KLF12: variants seen among roughly 807,000 people sequenced by gnomAD.
KLF12 encodes the protein Krueppel-like factor 12.
In KLF12, 9 loss-of-function variants were observed where a neutral mutation model predicts 37.8. That is an observed-to-expected ratio of 0.24 (90% confidence interval 0.14 to 0.42). The LOEUF is 0.42. Among genes scored for constraint, KLF12 ranks in the 10% least tolerant of loss-of-function variants. KLF12 has a pLI of 1.00. For synonymous variants in KLF12, 208 were observed against 202.1 expected (o/e 1.03, Z -0.25); for missense variants, 411 against 516.0 (o/e 0.80, Z 1.97).
intron 5 of KLF12, among the ~76,000 whole-genome samples, chr13:73,785,077 G>A (rs1249211644): frequency 2.0e-5 from 3 of 150,424 alleles, no homozygotes; most frequent in African/African-American, 7.3e-5. Context: ...TTCCTCCCTT[G>A]GTTATCTTTA....
intron 3 of KLF12, among the ~76,000 whole-genome samples, chr13:73,884,817 C>T (rs561966051): frequency 1.3e-5 from 2 of 152,290 alleles, no homozygotes; most frequent in South Asian, 4.1e-4. Flanking sequence ...ATTATATGGT[C>T]GAGGCCATCT....
chr13:73,718,330 T>A (rs1875969782), intron 6 of KLF12, among the ~76,000 whole-genome samples: 1 of 152,166 alleles, frequency 6.6e-6, no homozygotes, highest in Non-Finnish European at 1.5e-5. Context: ...CACTTAAATA[T>A]AGGGCAGGCA....
At chr13:74,104,819 T>C (rs752032515) in intron 1 of KLF12, among the ~76,000 whole-genome samples, 5 of 152,232 alleles carry the variant, frequency 3.3e-5, no homozygotes, top group Middle Eastern at 3.4e-3. Context: ...GACCAGGAGA[T>C]AAAATATGGA....
At chr13:73,748,145 C>T (rs1032478789) in intron 6 of KLF12, among the ~76,000 whole-genome samples, 2 of 152,206 alleles carry the variant, frequency 1.3e-5, no homozygotes, top group African/African-American at 4.8e-5. Flanking sequence ...TAACCAGGCA[C>T]ACCTGGGAGC....
chr13:73,812,702 T>C (rs1000577255), intron 5 of KLF12, among the ~76,000 whole-genome samples: 8 of 152,094 alleles, frequency 5.3e-5, no homozygotes, highest in Non-Finnish European at 1.0e-4. Context: ...AAATAACATA[T>C]GAGTACTACT....
intron 1 of KLF12, among the ~76,000 whole-genome samples, chr13:74,055,538 T>C (rs1873198230): frequency 6.6e-6 from 1 of 152,210 alleles, no homozygotes; most frequent in African/African-American, 2.4e-5. Flanking sequence ...CATCACCATC[T>C]ATGCAAGAAT....
the KLF12 span, among the ~76,000 whole-genome samples, chr13:74,212,123 G>C: frequency 2.1e-3 from 315 of 152,234 alleles, no homozygotes; most frequent in Middle Eastern, 0.01. Context: ...TAGTGTTTTA[G>C]TTATCTTGCC....
At chr13:73,839,142 G>C (rs900323832) in intron 4 of KLF12, among the ~76,000 whole-genome samples, 2 of 151,190 alleles carry the variant, frequency 1.3e-5, no homozygotes, top group Non-Finnish European at 2.9e-5. Context: ...ACCCAGGCTG[G>C]AGTGCAGTGG....
At chr13:74,276,650 A>G in the KLF12 span, among the ~76,000 whole-genome samples, 6 of 152,184 alleles carry the variant, frequency 3.9e-5, no homozygotes, top group African/African-American at 1.4e-4. Flanking sequence ...TCTTCCTAAT[A>G]AGCCTTCCTA....
chr13:73,820,965 T>G (rs990221479), intron 4 of KLF12, among the ~76,000 whole-genome samples: 2 of 152,244 alleles, frequency 1.3e-5, no homozygotes, highest in Non-Finnish European at 2.9e-5. Context: ...TAAAGTTTTA[T>G]TCAGCCATGG....
the KLF12 span, among the ~76,000 whole-genome samples, chr13:74,278,697 C>T: frequency 2.6e-5 from 4 of 152,176 alleles, no homozygotes; most frequent in Admixed American, 6.6e-5. Context: ...CTTTTCTCAC[C>T]TTTTCCTAAC....
At chr13:74,083,287 CG>C (rs1390353547) in intron 1 of KLF12, among the ~76,000 whole-genome samples, 1 of 152,128 alleles carries the variant, frequency 6.6e-6, no homozygotes, top group Non-Finnish European at 1.5e-5. Context: ...CCAAGGCAGG[CG>C]GATCACTTGA....
intron 5 of KLF12, among the ~76,000 whole-genome samples, chr13:73,799,294 A>G (rs1219433758): frequency 1.3e-5 from 2 of 152,178 alleles, no homozygotes; most frequent in Non-Finnish European, 2.9e-5. Context: ...AGCAAAAAAG[A>G]TAACTATTGG....
chr13:74,064,370 C>T (rs1214081802), intron 1 of KLF12, among the ~76,000 whole-genome samples: 3 of 151,572 alleles, frequency 2.0e-5, no homozygotes, highest in African/African-American at 4.8e-5. Flanking sequence ...TTTCTACAGG[C>T]ATGAACAGTG....
chr13:74,035,447 T>C (rs1390858491), intron 1 of KLF12, among the ~76,000 whole-genome samples: 1 of 152,224 alleles, frequency 6.6e-6, no homozygotes, highest in African/African-American at 2.4e-5. Flanking sequence ...TGATCCCCAT[T>C]GCAGGAGCTG....
At chr13:73,761,591 A>T (rs962301190) in intron 6 of KLF12, among the ~76,000 whole-genome samples, 1 of 152,126 alleles carries the variant, frequency 6.6e-6, no homozygotes, top group Non-Finnish European at 1.5e-5. Flanking sequence ...TTCTCTAAAA[A>T]ACTGTCTTTT....
In KLF12 at chr13:74,068,829, T is replaced by C. The variant is rs1262722223; in HGVS notation, c.-32+64910A>G. Among the ~76,000 whole-genome samples the C allele has an allele frequency of 3.3e-5, 5 of 152,310 alleles. No individual in the cohort carries two copies. In the East Asian group the frequency reaches 9.7e-4, roughly 29 times the overall value. On this transcript the variant is annotated intron_variant, in intron 1 of 7. Transcript: ENST00000377669. ...ACTTTGACCTCCCAAAGTGCTGGGA[T>C]TACAGGCATGAGCCACTGCACCCGG... is the stretch of plus-strand genomic sequence containing the variant.
the KLF12 span, among the ~76,000 whole-genome samples, chr13:74,186,748 C>T: frequency 1.3e-5 from 2 of 152,140 alleles, no homozygotes; most frequent in Non-Finnish European, 2.9e-5. Flanking sequence ...GTAGTGCTTG[C>T]TATGTGCCAG....
At chr13:74,192,943 C>T in the KLF12 span, among the ~76,000 whole-genome samples, 4 of 151,556 alleles carry the variant, frequency 2.6e-5, no homozygotes, top group Non-Finnish European at 5.9e-5. Flanking sequence ...TCCTTAGAAT[C>T]AGATTGAAAG....
Sources: gnomAD v4.1 joint callset for allele counts (sites outside exome capture counted in the v4.1 genomes callset) on GRCh38, gnomAD v4.1.1 for gene constraint, MANE v1.5 for transcripts, NCBI Gene and HGNC (gene_info 2026-07-23, HGNC 2026-07-21) for gene names.